ABR: variants seen among roughly 807,000 people sequenced by gnomAD.
The protein encoded by ABR is ABR activator of RhoGEF and GTPase, also known as active breakpoint cluster region-related protein.
A neutral mutation model predicts 107.2 loss-of-function variants in ABR; 35 were observed. The observed-to-expected ratio is 0.33, with a 90% CI of 0.25 to 0.43. The LOEUF is 0.43. Among genes scored for constraint, ABR ranks in the 20% least tolerant of loss-of-function variants. The probability of loss-of-function intolerance (pLI) is 1.00; values close to 1 mark genes in which losing one functional copy is unlikely to be tolerated. For synonymous variants in ABR, 498 were observed against 462.0 expected, an observed-to-expected ratio of 1.08 and a Z score of -1.00; for missense variants, 815 against 1,115.2, an observed-to-expected ratio of 0.73 and a Z score of 3.83.
At chr17:1,020,450 A>C (rs560310490) in intron 16 of ABR, among the ~76,000 whole-genome samples, 1 of 152,114 alleles carries the variant, frequency 6.6e-6, no homozygotes, top group South Asian at 2.1e-4. Flanking sequence ...GCCTCTCCCA[A>C]AGAGAAACGC....
chr17:1,054,037 G>T (rs1294700696), intron 14 of ABR, among the ~76,000 whole-genome samples: 1 of 152,186 alleles, frequency 6.6e-6, no homozygotes, highest in East Asian at 1.9e-4. Flanking sequence ...TAGAGCTCCG[G>T]CTCTGGTGCC....
At chr17:1,031,967 G>T in intron 16 of ABR, 2 of 792,236 alleles carry the variant, frequency 2.5e-6, no homozygotes, top group Admixed American at 4.9e-5. Context: ...TGCAGCCCAG[G>T]CTGAGCGCCG....
At chr17:1,161,832 G>C (rs962530572) in intron 1 of ABR, among the ~76,000 whole-genome samples, 13 of 152,204 alleles carry the variant, frequency 8.5e-5, no homozygotes, top group African/African-American at 2.9e-4. Context: ...TGGGATGACA[G>C]GTGTGAGCCA....
chr17:1,050,396 G>T lies in ABR; in HGVS notation c.1659+141C>A, dbSNP rs960237964. 2 of 972,966 alleles carry T rather than the reference G, an allele frequency of 2.1e-6. No homozygotes were observed. Among genetic ancestry groups the T allele is most frequent in the Admixed American group, 4.0e-5 (2 of 49,906 alleles). 60.3% of individuals were successfully genotyped at this position (972,966 alleles called of 1,614,324 possible). The stretch of plus-strand genomic sequence containing the variant: ...GGTCTGACACCCAGACACACACCGC[G>T]ATCAGAAGCCAGAGGAGCAGGGAGC... On this transcript the variant is annotated intron_variant, in intron 15 of 22. Coordinates refer to ENST00000302538, the MANE Select transcript of ABR (RefSeq NM_021962.5). The surrounding 1 kb of genome is among the most constrained non-coding windows in gnomAD (Gnocchi z 4.6).
At chr17:1,110,892 A>G (rs899097795) in intron 2 of ABR, among the ~76,000 whole-genome samples, 5 of 152,164 alleles carry the variant, frequency 3.3e-5, no homozygotes, top group Non-Finnish European at 7.4e-5. Context: ...TGGGTTATAA[A>G]TAGCCAGGGC....
intron 2 of ABR, among the ~76,000 whole-genome samples, chr17:1,123,488 G>A (rs1247601521): frequency 6.6e-6 from 1 of 152,202 alleles, no homozygotes; most frequent in African/African-American, 2.4e-5. Flanking sequence ...CCCGAGAGAA[G>A]GCACCTGCCA....
intron 1 of ABR, among the ~76,000 whole-genome samples, chr17:1,172,130 C>G (rs1014169471): frequency 2.6e-5 from 4 of 152,170 alleles, no homozygotes; most frequent in Non-Finnish European, 4.4e-5. Flanking sequence ...AAAGCCTGGA[C>G]AAAAAACTGG....
At chr17:1,073,440 C>G (rs1303407300) in intron 7 of ABR, among the ~76,000 whole-genome samples, 185 bp downstream of exon 7, 1 of 152,094 alleles carries the variant, frequency 6.6e-6, no homozygotes, top group Admixed American at 6.5e-5. Flanking sequence ...GCTTAGTAGC[C>G]AAGCTGTATT....
intron 1 of ABR, among the ~76,000 whole-genome samples, chr17:1,147,914 G>A (rs1040402199): frequency 6.6e-6 from 1 of 152,214 alleles, no homozygotes; most frequent in Non-Finnish European, 1.5e-5. Context: ...AAAGCAAGGT[G>A]GAATGTCTTC....
At chr17:1,056,543 C>T (rs2033296755) in intron 13 of ABR, among the ~76,000 whole-genome samples, 1 of 152,054 alleles carries the variant, frequency 6.6e-6, no homozygotes, top group African/African-American at 2.4e-5. Flanking sequence ...TAGAATACAC[C>T]CACTCCGGTC....
chr17:1,026,333 C>T (rs1222015760), intron 16 of ABR, among the ~76,000 whole-genome samples: 3 of 152,356 alleles, frequency 2.0e-5, no homozygotes, highest in African/African-American at 4.8e-5. Context: ...CTGGGGACCC[C>T]GGAGGCCTCC....
chr17:1,058,994 C>A, intron 10 of ABR, 127 bp from the exon 11 acceptor site: 1 of 1,387,988 alleles, frequency 7.2e-7, no homozygotes, highest in Non-Finnish European at 9.8e-7. Flanking sequence ...GATGTTTTGA[C>A]ATCTTGTGGC....
intron 21 of ABR, among the ~76,000 whole-genome samples, chr17:1,008,656 G>A (rs1303339578): frequency 6.6e-6 from 1 of 152,222 alleles, no homozygotes; most frequent in Non-Finnish European, 1.5e-5. Context: ...GCGCGTCCAG[G>A]TCTCCACTGG....
At position 1,137,897 on chromosome 17, in the gene ABR, C is replaced by A. The variant is rs926917972; in HGVS notation, c.62-12530G>T. Among the ~76,000 whole-genome samples, 48 of 151,152 alleles carry A rather than the reference C, an allele frequency of 3.2e-4. 1 individual carries two copies. Among genetic ancestry groups the A allele is most frequent in the Non-Finnish European group, 7.4e-5 (5 of 67,768 alleles). On this transcript the variant is annotated intron_variant, in intron 1 of 22. Coordinates refer to ENST00000302538, the MANE Select transcript of ABR (RefSeq NM_021962.5). ...AGGTAATATATAATGGTAAAAACCA[C>A]AATTACTTTTTTTTTTTTTTTGAGA...
intron 1 of ABR, among the ~76,000 whole-genome samples, chr17:1,220,019 C>T (rs911795143): frequency 2.0e-5 from 3 of 151,934 alleles, no homozygotes; most frequent in South Asian, 2.1e-4. Flanking sequence ...TGGCCGGGCG[C>T]GGTGGCTCAC....
At chr17:1,201,926 G>A (rs575738618) in intron 1 of ABR, among the ~76,000 whole-genome samples, 3 of 151,992 alleles carry the variant, frequency 2.0e-5, no homozygotes, top group East Asian at 1.9e-4. Context: ...ATCCGCCCGC[G>A]TCGGCCTCCC....
intron 5 of ABR, among the ~76,000 whole-genome samples, chr17:1,079,788 C>CAAAAAAAAAAAAAAAAA (rs57412625): frequency 2.0e-4 from 11 of 55,112 alleles, no homozygotes; most frequent in East Asian, 5.0e-4. Context: ...GACTCTGTCT[C>CAAAAAAAAAAAAAAAAA]AAAAAAAAAA....
intron 16 of ABR, chr17:1,031,789 G>A (rs1054917039): frequency 3.3e-6 from 4 of 1,215,006 alleles, no homozygotes; most frequent in Non-Finnish European, 4.1e-6. Flanking sequence ...CCTGTGGAGC[G>A]CTCAGTCCCG....
chr17:1,060,150 C>T (rs141669206), intron 10 of ABR, among the ~76,000 whole-genome samples: 1,664 of 152,316 alleles, frequency 0.011, 21 homozygotes, highest in Admixed American at 0.023. Flanking sequence ...GTGGCTCACG[C>T]CTGTAATCCC....
Sources: gnomAD v4.1 joint callset for allele counts (sites outside exome capture counted in the v4.1 genomes callset) on GRCh38, gnomAD v4.1.1 for gene constraint, Gnocchi (gnomAD v3.1) non-coding constraint, MANE v1.5 for transcripts, NCBI Gene and HGNC (gene_info 2026-07-23, HGNC 2026-07-21) for gene names.